The following ABCA4 variants were observed in gnomAD, a reference collection of about 807,000 sequenced individuals.
ABCA4 encodes retinal-specific phospholipid-transporting ATPase ABCA4.
In ABCA4, 196 loss-of-function variants were observed where a neutral mutation model predicts 263.7. That is an observed-to-expected ratio of 0.74 (90% CI 0.66 to 0.84). The LOEUF is 0.84. Ranked by LOEUF, ABCA4 falls within the 40% of genes least tolerant of loss-of-function variation. The pLI, the probability that ABCA4 is intolerant of heterozygous loss-of-function variation, is 0.00. For missense variants in ABCA4, 2,792 were observed against 2,855.1 expected (o/e 0.98, Z 0.50); for synonymous variants, 1,133 against 1,094.2 (o/e 1.04, Z -0.70).
At chr1:94,092,762 A>G (rs550022550) in intron 6 of ABCA4, among the ~76,000 whole-genome samples, 1 of 152,294 alleles carries the variant, frequency 6.6e-6, no homozygotes, top group Admixed American at 6.5e-5. Flanking sequence ...CTTGGAATCT[A>G]GAGGCAGCCA....
chr1:94,015,227 C>T (rs1659695532), intron 37 of ABCA4, among the ~76,000 whole-genome samples: 2 of 152,184 alleles, frequency 1.3e-5, no homozygotes, highest in South Asian at 2.1e-4. Context: ...ATTACTCATT[C>T]AAATTTACAC....
chr1:94,058,457 G>C (rs1661037120), intron 14 of ABCA4, among the ~76,000 whole-genome samples: 1 of 152,220 alleles, frequency 6.6e-6, no homozygotes, highest in Non-Finnish European at 1.5e-5. Flanking sequence ...CACCTCCTGG[G>C]TTCAAGGGAT....
chr1:94,079,259 A>T (rs1661620956), intron 9 of ABCA4, 63 bp downstream of exon 9: 2 of 1,602,954 alleles, frequency 1.2e-6, no homozygotes, highest in African/African-American at 2.7e-5. Context: ...TCACACACAC[A>T]CACACACACA....
At position 94,047,034 on chromosome 1, in the gene ABCA4, C is replaced by T. The variant is rs765769761; in HGVS notation, c.2803G>A (p.Val935Ile). The T allele has an allele frequency of 7.4e-6, 12 of 1,614,026 alleles. No individual in the cohort carries two copies. The highest frequency in any genetic ancestry group is 7.6e-6 in the Non-Finnish European group (9 of 1,180,030). The change falls in exon 19 of 50, where the codon GTA becomes ATA. Residue 935 changes from valine to isoleucine, a missense_variant. Transcript: ENST00000370225. ...CGGCCACAGGGCTCAAAAATCTTTA[C>T]CAGATTCTTCACGCATACCCCAGGA... ...WVPGVCVKNLVKIFEPCGRPA... is the reference protein window; with the variant it reads ...WVPGVCVKNLIKIFEPCGRPA...
intron 43 of ABCA4, 109 bp from the exon 44 acceptor site, chr1:94,005,691 CT>C: frequency 8.9e-7 from 1 of 1,124,158 alleles, no homozygotes; most frequent in Non-Finnish European, 1.3e-6. Flanking sequence ...TGCTTCTTCT[CT>C]TCTCCTATTT....
In ABCA4 at chr1:94,031,876, G is replaced by A; in HGVS notation, c.4030C>T (p.Leu1344Phe). ...PPEPECPGPQ[L>F]NTGTQLVLQH... is the part of the protein sequence containing the mutation. ...AGGACCAGCTGTGTCCCCGTGTTGA[G>A]CTGCGGGCCTGGGCACTCTGGCTCT... The change falls in exon 27 of 50, where the codon CTC (leucine) becomes TTC (phenylalanine). Residue 1344 changes from leucine to phenylalanine, a missense_variant. Coordinates refer to ENST00000370225, the MANE Select transcript of ABCA4 (RefSeq NM_000350.3). The A allele has an allele frequency of 6.2e-7, 1 of 1,614,198 alleles. No individual in the cohort carries two copies. Among genetic ancestry groups the A allele is most frequent in the South Asian group, 1.1e-5 (1 of 91,082 alleles).
At chr1:94,099,306 G>A (rs1662226222) in intron 5 of ABCA4, among the ~76,000 whole-genome samples, 1 of 152,202 alleles carries the variant, frequency 6.6e-6, no homozygotes, top group Non-Finnish European at 1.5e-5. Flanking sequence ...GCCAAAGAAT[G>A]TGGCGTGTCT....
chr1:94,081,034 C>T lies in ABCA4; in HGVS notation c.859-316G>A, dbSNP rs571809118. 5.3e-5 allele frequency among the ~76,000 whole-genome samples: 8 copies of T among 151,940 alleles called. No homozygotes were observed. In the East Asian group the frequency reaches 5.8e-4, roughly 11 times the overall value. ...GGTCAGGAGATCGAGACCATCCTGG[C>T]GAACATGGTGAAACCCCGTCTCTAT... On this transcript the variant is annotated intron_variant, in intron 7 of 49. Coordinates refer to ENST00000370225, the MANE Select transcript of ABCA4 (RefSeq NM_000350.3).
chr1:94,120,278 G>T (rs1414366596), intron 1 of ABCA4, among the ~76,000 whole-genome samples: 2 of 152,190 alleles, frequency 1.3e-5, no homozygotes, highest in African/African-American at 4.8e-5. Context: ...AGCCAGTCCA[G>T]GGTGGAATCT....
At chr1:94,015,386 G>A (rs541591269) in intron 37 of ABCA4, among the ~76,000 whole-genome samples, 79 of 152,278 alleles carry the variant, frequency 5.2e-4, no homozygotes, top group Non-Finnish European at 8.7e-4. Context: ...GGGACACTGA[G>A]GTGGACAGAT....
chr1:94,021,552 G>C, intron 34 of ABCA4, 88 bp downstream of exon 34: 1 of 1,498,328 alleles, frequency 6.7e-7, no homozygotes. Flanking sequence ...AGGAGGGATG[G>C]AATTTAATGA....
intron 36 of ABCA4, chr1:94,018,670 C>A (rs1275788991): frequency 2.2e-6 from 1 of 446,772 alleles, no homozygotes; most frequent in East Asian, 7.0e-5. Context: ...TCATGTTGGT[C>A]TTAAAATGTT....
intron 5 of ABCA4, 63 bp from the exon 6 acceptor site, chr1:94,099,054 C>T: frequency 6.6e-7 from 1 of 1,520,998 alleles, no homozygotes; most frequent in Non-Finnish European, 8.9e-7. Context: ...CACGTCCTAA[C>T]CCACAGAACC....
At chr1:94,010,360 C>T (rs541369124) in intron 40 of ABCA4, among the ~76,000 whole-genome samples, 4 of 152,234 alleles carry the variant, frequency 2.6e-5, no homozygotes, top group East Asian at 3.9e-4. Flanking sequence ...GATCACTGCC[C>T]GCACCCCTCC....
chr1:94,103,981 G>A lies in ABCA4; in HGVS notation c.443-839C>T, dbSNP rs182005825. Among the ~76,000 whole-genome samples the A allele has an allele frequency of 1.6e-3, 250 of 152,338 alleles. 2 individuals are homozygous for A. The highest frequency in any genetic ancestry group is 0.015 in the Admixed American group (226 of 15,312). ...GGGGCAAGTGATTGAGCCTGTCCCC[G>A]TGTCTGCATTTTCCACATCTACCTC... On this transcript the variant is annotated intron_variant, in intron 4 of 49. Transcript: ENST00000370225.
rs61751381 is a variant in ABCA4 at position 93,998,021 on chromosome 1, TG to T, written c.6568del (p.Gln2190ArgfsTer57). 1 of 1,614,088 alleles carries T rather than the reference TG, an allele frequency of 6.2e-7. No homozygotes were observed. Among genetic ancestry groups the T allele is most frequent in the Non-Finnish European group, 8.5e-7 (1 of 1,180,038 alleles). On this transcript the variant is annotated frameshift_variant, in exon 48 of 50. Coordinates refer to ENST00000370225, the MANE Select transcript of ABCA4 (RefSeq NM_000350.3). LOFTEE classifies it high-confidence loss of function. ...CTGCACACTGCCTGGGAAGTTCCCC[TG>T]GAAGAACTGCTCCACAGGGTTCAGG... ...PDLNPVEQFF[Q>X]GNFPGSVQRE... is the part of the protein sequence containing the mutation.
In ABCA4 at chr1:94,111,539, C is replaced by T. The variant is rs764200212; in HGVS notation, c.201G>A (p.Leu67=). The change falls in exon 3 of 50, where the codon CTG becomes CTA. Residue 67 remains leucine (L), a synonymous_variant. Coordinates refer to ENST00000370225, the MANE Select transcript of ABCA4 (RefSeq NM_000350.3). Reference sequence around the variant, plus strand: ...TGCAGAAGATCCCCTGGAGCCACGGCAGCATTCCTGCTGAGGGCATCGCCT... The same window carrying T: ...TGCAGAAGATCCCCTGGAGCCACGGTAGCATTCCTGCTGAGGGCATCGCCT... ...PNKAMPSAGM[L]PWLQGIFCNV... 9 of 1,614,106 alleles carry T rather than the reference C, an allele frequency of 5.6e-6. No individual in the cohort carries two copies. Among genetic ancestry groups the T allele is most frequent in the African/African-American group, 2.7e-5 (2 of 74,944 alleles).
chr1:94,036,729 C>T lies in ABCA4; in HGVS notation c.3862+11G>A, dbSNP rs755726890. 2 of 1,613,898 alleles carry T rather than the reference C, an allele frequency of 1.2e-6. No homozygotes were observed. The highest frequency in any genetic ancestry group is 1.3e-5 in the African/African-American group (1 of 75,014). ...AAGGAAGGGAACAAGCCACTGGCTC[C>T]AGCACCATACCCGCAAACAGAGGTC... On this transcript the variant is annotated intron_variant, in intron 26 of 49. Coordinates refer to ENST00000370225, the MANE Select transcript of ABCA4 (RefSeq NM_000350.3).
chr1:94,022,420 C>T (rs1303738781), intron 32 of ABCA4, among the ~76,000 whole-genome samples: 1 of 152,202 alleles, frequency 6.6e-6, no homozygotes, highest in Non-Finnish European at 1.5e-5. Context: ...TCTGTGCCAC[C>T]TCTGTGCTTT....
Sources: allele counts gnomAD v4.1 joint callset (sites outside exome capture counted in the v4.1 genomes callset), GRCh38; gene constraint gnomAD v4.1.1; transcripts MANE v1.5; gene names NCBI Gene and HGNC (gene_info 2026-07-23, HGNC 2026-07-21).